COLEC10: variants seen among roughly 807,000 people sequenced by gnomAD.
COLEC10 encodes collectin-10.
Under a neutral mutation model 28.4 loss-of-function variants are expected in COLEC10, and 22 were observed. That is an observed-to-expected ratio of 0.78 (90% CI 0.55 to 1.11). COLEC10 has a LOEUF of 1.11. COLEC10 is among the 50% of genes least tolerant of loss of function. The pLI is 0.00. For synonymous variants in COLEC10, 125 were observed against 116.1 expected (o/e 1.08, Z -0.49); for missense variants, 361 against 344.1 (o/e 1.05, Z -0.39).
chr8:118,963,072 GA>G, the COLEC10 span, among the ~76,000 whole-genome samples: 1 of 152,150 alleles, frequency 6.6e-6, no homozygotes, highest in African/African-American at 2.4e-5. Context: ...GAAGCATGCA[GA>G]GGGGGAAGGG....
intron 3 of COLEC10, among the ~76,000 whole-genome samples, chr8:119,098,259 G>T (rs546892653): frequency 1.3e-5 from 2 of 151,968 alleles, no homozygotes; most frequent in Non-Finnish European, 1.5e-5. Context: ...ATGTAAGGTG[G>T]GAGCATAGTA....
intron 2 of COLEC10, among the ~76,000 whole-genome samples, chr8:119,045,095 C>G (rs896919324): frequency 1.3e-5 from 2 of 152,090 alleles, no homozygotes; most frequent in African/African-American, 4.8e-5. Flanking sequence ...TAATTACTCC[C>G]AAATTCTTGA....
At chr8:119,025,878 T>C (rs560114299) in intron 2 of COLEC10, among the ~76,000 whole-genome samples, 173 of 152,312 alleles carry the variant, frequency 1.1e-3, no homozygotes, top group African/African-American at 3.9e-3. Flanking sequence ...ACCTCATCTC[T>C]AGATTCTCAC....
At chr8:118,999,199 G>A (rs1207999260) in intron 1 of COLEC10, among the ~76,000 whole-genome samples, 3 of 152,156 alleles carry the variant, frequency 2.0e-5, no homozygotes, top group Non-Finnish European at 4.4e-5. Context: ...AGAATGGTGT[G>A]TGAGTGACAT....
chr8:119,082,175 TAGA>T (rs1237689372), intron 1 of COLEC10, among the ~76,000 whole-genome samples: 1 of 152,070 alleles, frequency 6.6e-6, no homozygotes, highest in South Asian at 2.1e-4. Context: ...AAAGGTAAAT[TAGA>T]AGAAGAAAGA....
chr8:119,007,155 T>C (rs528484579), intron 1 of COLEC10, among the ~76,000 whole-genome samples: 1 of 152,218 alleles, frequency 6.6e-6, no homozygotes, highest in African/African-American at 2.4e-5. Flanking sequence ...CAAACCACGT[T>C]AGACTGAAAA....
rs1814992670 is a variant in COLEC10, at chr8:119,067,416, A to T, written c.135A>T (p.Ser45=). ...TAEVCATHTI[S]PGPKGDDGEK... The stretch of plus-strand genomic sequence containing the variant: ...AAGTCTGTGCCACACACACAATTTC[A>T]CCAGGACCCAAAGGTGAGGAAAGAA... Residue 45 remains serine, a synonymous_variant, in exon 1 of 6, where the codon TCA becomes TCT. Transcript: ENST00000332843. 6.2e-7 allele frequency: 1 copy of T among 1,613,830 alleles called. No homozygotes were observed. The highest frequency in any genetic ancestry group is 8.5e-7 in the Non-Finnish European group (1 of 1,179,862).
chr8:119,087,910 G>T (rs943693155), intron 1 of COLEC10, among the ~76,000 whole-genome samples: 1 of 152,034 alleles, frequency 6.6e-6, no homozygotes, highest in Admixed American at 6.6e-5. Flanking sequence ...AGAGCAATAC[G>T]AGTTTCCATC....
intron 2 of COLEC10, among the ~76,000 whole-genome samples, chr8:119,045,628 C>A (rs1201315115): frequency 6.6e-6 from 1 of 152,196 alleles, no homozygotes; most frequent in African/African-American, 2.4e-5. Flanking sequence ...GCACACATAA[C>A]AAGTTGATTT....
chr8:119,010,773 A>G (rs1054245105), intron 2 of COLEC10, among the ~76,000 whole-genome samples: 1 of 151,076 alleles, frequency 6.6e-6, no homozygotes, highest in Non-Finnish European at 1.5e-5. Context: ...ACACCTTTTC[A>G]TATGGTAATT....
At chr8:119,041,382 TA>T (rs1814491668) in intron 2 of COLEC10, among the ~76,000 whole-genome samples, 1 of 152,224 alleles carries the variant, frequency 6.6e-6, no homozygotes, top group African/African-American at 2.4e-5. Context: ...CATGTTGATT[TA>T]GTAGCAAAAT....
chr8:119,044,221 G>T (rs368374734), intron 2 of COLEC10, among the ~76,000 whole-genome samples: 1 of 152,160 alleles, frequency 6.6e-6, no homozygotes, highest in Non-Finnish European at 1.5e-5. Context: ...TAACACACAC[G>T]TTTCATGTTG....
At chr8:119,051,186 C>T (rs1304159871) in intron 2 of COLEC10, among the ~76,000 whole-genome samples, 1 of 151,938 alleles carries the variant, frequency 6.6e-6, no homozygotes, top group Non-Finnish European at 1.5e-5. Flanking sequence ...AATCAATTTT[C>T]AAAATTGAAT....
At chr8:119,020,559 A>G (rs1208864464) in intron 2 of COLEC10, among the ~76,000 whole-genome samples, 1 of 152,192 alleles carries the variant, frequency 6.6e-6, no homozygotes, top group Admixed American at 6.6e-5. Flanking sequence ...GCTTAGTAGT[A>G]TCCCGCCAGT....
intron 2 of COLEC10, among the ~76,000 whole-genome samples, chr8:119,023,293 A>G (rs940404072): frequency 2.6e-5 from 4 of 152,164 alleles, no homozygotes; most frequent in Admixed American, 1.3e-4. Flanking sequence ...ATATAGTCCA[A>G]GAATAAAAGG....
chr8:119,052,266 G>T lies in COLEC10; in HGVS notation n.236-37414G>T, dbSNP rs1814687453. Among the ~76,000 whole-genome samples the T allele has an allele frequency of 2.6e-5, 4 of 152,202 alleles. No individual in the cohort carries two copies. In the South Asian group the frequency reaches 8.3e-4, roughly 32 times the overall value. On this transcript the variant is annotated intron_variant and non_coding_transcript_variant, in intron 2 of 6. Transcript: ENST00000521788. ...TTGCAAAACACATGCATTTTTTATA[G>T]GAGGTCAGGCAGTAGCCAAATTATG...
At chr8:119,056,920 T>C (rs1024726446) in intron 2 of COLEC10, among the ~76,000 whole-genome samples, 1 of 152,092 alleles carries the variant, frequency 6.6e-6, no homozygotes, top group African/African-American at 2.4e-5. Context: ...CAATCAATTA[T>C]ACTTTCAGTT....
At chr8:119,096,824 A>G (rs1815728024) in intron 3 of COLEC10, among the ~76,000 whole-genome samples, 1 of 152,108 alleles carries the variant, frequency 6.6e-6, no homozygotes, top group South Asian at 2.1e-4. Context: ...TGACTAAACT[A>G]TGATAGTACT....
At chr8:119,052,345 C>T (rs750439706) in intron 2 of COLEC10, among the ~76,000 whole-genome samples, 6 of 152,084 alleles carry the variant, frequency 3.9e-5, no homozygotes, top group East Asian at 1.9e-4. Context: ...ACAAAGATCA[C>T]GTTAATGCCA....
Sources: allele counts gnomAD v4.1 joint callset (sites outside exome capture counted in the v4.1 genomes callset), GRCh38; gene constraint gnomAD v4.1.1; transcripts MANE v1.5; gene names NCBI Gene and HGNC (gene_info 2026-07-23, HGNC 2026-07-21).